Variants in CMIP observed in about 807,000 individuals in gnomAD.
CMIP encodes C-Maf-inducing protein.
Under a neutral mutation model 97.3 loss-of-function variants are expected in CMIP, and 13 were observed. That is an observed-to-expected ratio of 0.13 (90% confidence interval 0.09 to 0.21). The LOEUF is 0.21. Among genes scored for constraint, CMIP ranks in the 10% least tolerant of loss-of-function variants. The pLI is 1.00. For synonymous variants in CMIP, 538 were observed against 436.3 expected, an observed-to-expected ratio of 1.23 and a Z score of -2.91; for missense variants, 847 against 1,024.9, an observed-to-expected ratio of 0.83 and a Z score of 2.37.
chr16:81,452,420 A>G (rs1906273524), intron 1 of CMIP, among the ~76,000 whole-genome samples: 1 of 152,166 alleles, frequency 6.6e-6, no homozygotes, highest in Admixed American at 6.5e-5. Context: ...CGTTCTAGGC[A>G]CTCGGAAGAA....
intron 1 of CMIP, among the ~76,000 whole-genome samples, chr16:81,550,800 G>A (rs1426659064): frequency 1.3e-5 from 2 of 151,782 alleles, no homozygotes; most frequent in Admixed American, 6.6e-5. Flanking sequence ...CCCAGGAGAG[G>A]ATGAAGAAAG....
chr16:81,485,399 T>C (rs1175098975), intron 1 of CMIP, among the ~76,000 whole-genome samples: 2 of 152,342 alleles, frequency 1.3e-5, no homozygotes, highest in South Asian at 2.1e-4. Flanking sequence ...ACAACTCTAA[T>C]TGTGGAAAGC....
At chr16:81,612,401 G>C (rs1383280023) in intron 2 of CMIP, among the ~76,000 whole-genome samples, 1 of 152,142 alleles carries the variant, frequency 6.6e-6, no homozygotes, top group East Asian at 1.9e-4. Flanking sequence ...CGGGGCAACT[G>C]TTTACCCCAA....
chr16:81,685,697 A>G (rs904215898), intron 10 of CMIP, among the ~76,000 whole-genome samples: 1 of 143,320 alleles, frequency 7.0e-6, no homozygotes, highest in African/African-American at 2.6e-5. Flanking sequence ...GGTGCACACC[A>G]CCTGCCTGGC....
intron 1 of CMIP, among the ~76,000 whole-genome samples, chr16:81,554,964 A>AG (rs1350041540): frequency 6.6e-6 from 1 of 152,080 alleles, no homozygotes; most frequent in Non-Finnish European, 1.5e-5. Flanking sequence ...GCCCCCCAGA[A>AG]GGGGGGGTTT....
chr16:81,609,217 CTTCT>C (rs1416367022), intron 2 of CMIP, among the ~76,000 whole-genome samples: 1 of 149,132 alleles, frequency 6.7e-6, no homozygotes, highest in African/African-American at 2.5e-5. Context: ...AAGCCTTCCT[CTTCT>C]TTCTTTCTCT....
intron 1 of CMIP, among the ~76,000 whole-genome samples, chr16:81,532,945 G>A (rs881214): frequency 0.39 from 59,355 of 151,910 alleles, 12,892 homozygotes; most frequent in Non-Finnish European, 0.49. Flanking sequence ...GCTGTGCCTC[G>A]AGGCCTTTGC....
chr16:81,671,938 C>G, intron 8 of CMIP, 28 bp from the exon 9 acceptor site: 3 of 1,346,402 alleles, frequency 2.2e-6, no homozygotes, highest in Non-Finnish European at 3.1e-6. Flanking sequence ...CTGCAGGCTT[C>G]TCACCCCAGC....
intron 2 of CMIP, among the ~76,000 whole-genome samples, chr16:81,613,963 G>A (rs947230483): frequency 3.9e-5 from 6 of 152,158 alleles, no homozygotes; most frequent in Non-Finnish European, 5.9e-5. Flanking sequence ...TAAGTCAGAC[G>A]TGGTTCCTGA....
At chr16:81,680,512 C>G (rs754463399) in intron 10 of CMIP, among the ~76,000 whole-genome samples, 2 of 152,216 alleles carry the variant, frequency 1.3e-5, no homozygotes, top group South Asian at 4.1e-4. Flanking sequence ...GCTTTGGCCC[C>G]GGAGAGGAAA....
At chr16:81,605,784 A>G (rs118047122) in intron 1 of CMIP, among the ~76,000 whole-genome samples, 2,149 of 152,258 alleles carry the variant, frequency 0.014, 20 homozygotes, top group Non-Finnish European at 0.023. Flanking sequence ...TTATTTAGAT[A>G]TTTTGTTTGT....
chr16:81,699,617 C>T (rs1192280240), intron 14 of CMIP, 68 bp from the exon 15 acceptor site: 2 of 1,039,456 alleles, frequency 1.9e-6, no homozygotes, highest in East Asian at 2.5e-5. Flanking sequence ...GGGCTCACTT[C>T]CTGCCAGCAC....
chr16:81,699,808 A>C lies in CMIP; in HGVS notation c.1755+7A>C. The C allele has an allele frequency of 6.3e-7, 1 of 1,593,344 alleles. No individual in the cohort carries two copies. Reference sequence around the variant, plus strand: ...GAACCAGACCATGGTGGAGGTAAGGAGCTGGTCGGGGTCCCTGGTGGGGTG... The same window carrying C: ...GAACCAGACCATGGTGGAGGTAAGGCGCTGGTCGGGGTCCCTGGTGGGGTG... On this transcript the variant is annotated splice_region_variant and intron_variant, in intron 15 of 20. Coordinates refer to ENST00000537098, the MANE Select transcript of CMIP (RefSeq NM_198390.3).
chr16:81,455,204 C>T (rs140180228), intron 1 of CMIP, among the ~76,000 whole-genome samples: 220 of 152,300 alleles, frequency 1.4e-3, no homozygotes, highest in Non-Finnish European at 2.5e-3. Flanking sequence ...CAGGGATCTC[C>T]GAGTCGCCAG....
chr16:81,514,814 C>G (rs192485846), intron 1 of CMIP, among the ~76,000 whole-genome samples: 8 of 152,296 alleles, frequency 5.3e-5, no homozygotes, highest in Middle Eastern at 3.4e-3. Flanking sequence ...ATACACAATC[C>G]TTAGGCTGCT....
rs117060904 is a variant in CMIP at position 81,563,551 on chromosome 16, A to G, written c.301-44016A>G. Among the ~76,000 whole-genome samples, 11 of 152,302 alleles carry G rather than the reference A, an allele frequency of 7.2e-5. No individual in the cohort carries two copies. In the East Asian group the frequency reaches 2.1e-3, roughly 29 times the overall value. On this transcript the variant is annotated intron_variant, in intron 1 of 20. Coordinates refer to ENST00000537098, the MANE Select transcript of CMIP (RefSeq NM_198390.3). ...GTACCGCATTATAGTCTGCATGTTT[A>G]CAAAACCCCCAGGCGATACATGTGC...
chr16:81,514,776 A>C (rs912056797), intron 1 of CMIP, among the ~76,000 whole-genome samples: 1 of 152,118 alleles, frequency 6.6e-6, no homozygotes, highest in African/African-American at 2.4e-5. Flanking sequence ...CCTGCTTCCC[A>C]GGGTGGTTGT....
rs374509019 is a variant in CMIP, at chr16:81,568,039, G to T, written c.301-39528G>T. On this transcript the variant is annotated intron_variant, in intron 1 of 20. Coordinates refer to ENST00000537098, the MANE Select transcript of CMIP (RefSeq NM_198390.3). The stretch of plus-strand genomic sequence containing the variant: ...TGAGCTTTTCAGTGTGTGTGTGTGT[G>T]TTTTTTTTTTTTTTTTTTTTTGAAG... Among the ~76,000 whole-genome samples the T allele has an allele frequency of 5.7e-4, 47 of 82,530 alleles. No individual in the cohort carries two copies. The East Asian group carries it at 6.6e-3, about 12-fold the overall frequency. 54.1% of individuals were successfully genotyped at this position (82,530 alleles called of 152,430 possible). A position where few individuals can be genotyped will look rare whatever the true frequency, so the allele number is the denominator to read the frequency against.
At chr16:81,703,885 G>C in intron 17 of CMIP, 54 bp from the exon 18 acceptor site, 1 of 1,549,948 alleles carries the variant, frequency 6.5e-7, no homozygotes, top group Non-Finnish European at 8.7e-7. Flanking sequence ...GGAGGGCTCA[G>C]GGTCTCGGGA....
Sources: allele counts gnomAD v4.1 joint callset (sites outside exome capture counted in the v4.1 genomes callset), GRCh38; gene constraint gnomAD v4.1.1; transcripts MANE v1.5; gene names NCBI Gene and HGNC (gene_info 2026-07-23, HGNC 2026-07-21).